FOXP2: variants seen among roughly 807,000 people sequenced by gnomAD.
The protein encoded by FOXP2 is forkhead box P2, also known as forkhead box protein P2.
Under a neutral mutation model 115.8 loss-of-function variants are expected in FOXP2, and 12 were observed. That is an observed-to-expected ratio of 0.10 (90% confidence interval 0.07 to 0.17). The LOEUF (loss-of-function observed/expected upper bound fraction) is 0.17. Among genes scored for constraint, FOXP2 ranks in the 10% least tolerant of loss-of-function variants. The probability of loss-of-function intolerance (pLI) is 1.00; values close to 1 mark genes in which losing one functional copy is unlikely to be tolerated. For missense variants in FOXP2, 629 were observed against 843.5 expected, an observed-to-expected ratio of 0.75 and a Z score of 3.15; for synonymous variants, 328 against 297.7, an observed-to-expected ratio of 1.10 and a Z score of -1.05.
chr7:114,277,397 A>C (rs1196311272), intron 1 of FOXP2, among the ~76,000 whole-genome samples: 2 of 152,116 alleles, frequency 1.3e-5, no homozygotes, highest in Non-Finnish European at 2.9e-5. Flanking sequence ...TATGCCTTTA[A>C]CTATTTTGAG....
intron 2 of FOXP2, among the ~76,000 whole-genome samples, chr7:114,328,704 T>C (rs892459603): frequency 1.3e-5 from 2 of 152,240 alleles, no homozygotes; most frequent in Admixed American, 6.5e-5. Context: ...TCATGTCTTA[T>C]ATTCTATTAC....
At chr7:114,624,468 A>G (rs1804420779) in intron 3 of FOXP2, among the ~76,000 whole-genome samples, 2 of 151,894 alleles carry the variant, frequency 1.3e-5, no homozygotes, top group South Asian at 4.1e-4. Flanking sequence ...TTTAGTGAAG[A>G]AAGAATTGGA....
At chr7:114,425,596 A>G (rs934749846) in intron 1 of FOXP2, among the ~76,000 whole-genome samples, 4 of 151,718 alleles carry the variant, frequency 2.6e-5, no homozygotes, top group Non-Finnish European at 4.4e-5. Flanking sequence ...ATTACTGTAG[A>G]GAAGGTAATA....
intron 1 of FOXP2, among the ~76,000 whole-genome samples, chr7:114,136,290 T>C (rs1475452216): frequency 6.6e-6 from 1 of 152,108 alleles, no homozygotes; most frequent in African/African-American, 2.4e-5. Flanking sequence ...TCAATACTGA[T>C]TATATCAACC....
At chr7:114,650,989 A>G (rs1041393754) in intron 8 of FOXP2, among the ~76,000 whole-genome samples, 2 of 152,112 alleles carry the variant, frequency 1.3e-5, no homozygotes, top group Non-Finnish European at 2.9e-5. Context: ...ATTAGTTTTT[A>G]TCAGCAACAC....
At chr7:114,087,123 T>G (rs1799436457), upstream of FOXP2, among the ~76,000 whole-genome samples, 1 of 151,978 alleles carries the variant, frequency 6.6e-6, no homozygotes, top group African/African-American at 2.4e-5. Flanking sequence ...ACACACTTTA[T>G]TGATCCAACT....
chr7:114,149,444 A>G (rs1320713643), intron 1 of FOXP2, among the ~76,000 whole-genome samples: 1 of 152,146 alleles, frequency 6.6e-6, no homozygotes. Flanking sequence ...AAAACAAACC[A>G]GAATGACCTT....
intron 1 of FOXP2, among the ~76,000 whole-genome samples, chr7:114,168,588 G>T (rs1483607442): frequency 6.6e-6 from 1 of 152,106 alleles, no homozygotes; most frequent in Non-Finnish European, 1.5e-5. Context: ...CATGAGGGAA[G>T]CAGAGCATAA....
chr7:114,668,303 A>G (rs976839552), intron 16 of FOXP2: 5 of 152,130 alleles, frequency 3.3e-5, no homozygotes, highest in Non-Finnish European at 5.9e-5. Context: ...CTTCTTATAA[A>G]TTGTGGAGAA....
chr7:114,552,890 G>A (rs565107681), intron 3 of FOXP2, among the ~76,000 whole-genome samples: 18 of 152,090 alleles, frequency 1.2e-4, no homozygotes, highest in East Asian at 1.9e-4. Context: ...TAGCTTTATC[G>A]CCTAAATTAT....
intron 1 of FOXP2, among the ~76,000 whole-genome samples, chr7:114,094,747 G>A (rs1055762293): frequency 2.6e-5 from 4 of 152,082 alleles, no homozygotes; most frequent in South Asian, 2.1e-4. Flanking sequence ...TGGTAACCTC[G>A]CCCTCCTGGG....
chr7:114,587,905 A>C (rs1802226799), intron 3 of FOXP2, among the ~76,000 whole-genome samples: 1 of 146,244 alleles, frequency 6.8e-6, no homozygotes, highest in South Asian at 2.3e-4. Context: ...GTGCCTTATT[A>C]ATGATTCTGA....
At chr7:114,547,227 A>G (rs1799969222) in intron 3 of FOXP2, among the ~76,000 whole-genome samples, 1 of 152,126 alleles carries the variant, frequency 6.6e-6, no homozygotes, top group Admixed American at 6.5e-5. Context: ...AGCAATAACA[A>G]TTGATTCTTT....
intron 2 of FOXP2, among the ~76,000 whole-genome samples, chr7:114,481,473 T>C (rs1419397907): frequency 1.3e-5 from 2 of 151,322 alleles, no homozygotes; most frequent in Admixed American, 1.3e-4. Context: ...TAATAAATTT[T>C]CCCCAAAGCG....
chr7:114,573,077 G>A (rs1022769539), intron 3 of FOXP2, among the ~76,000 whole-genome samples: 1 of 151,782 alleles, frequency 6.6e-6, no homozygotes, highest in African/African-American at 2.4e-5. Flanking sequence ...GGTATGGCTG[G>A]TGGGAAAGGA....
chr7:114,377,480 T>C (rs1252386498), intron 2 of FOXP2, among the ~76,000 whole-genome samples: 1 of 152,180 alleles, frequency 6.6e-6, no homozygotes, highest in Non-Finnish European at 1.5e-5. Context: ...ATTGGGGGCA[T>C]AGGACCATGT....
intron 3 of FOXP2, among the ~76,000 whole-genome samples, chr7:114,592,528 T>A (rs576341158): frequency 6.6e-5 from 10 of 152,136 alleles, no homozygotes; most frequent in African/African-American, 2.2e-4. Context: ...GAACCTATCA[T>A]GTTCTATTTT....
intron 2 of FOXP2, among the ~76,000 whole-genome samples, chr7:114,405,945 T>C (rs1268551659): frequency 6.6e-6 from 1 of 151,870 alleles, no homozygotes; most frequent in Non-Finnish European, 1.5e-5. Context: ...GCTGACTTTT[T>C]TTATGGTCAG....
intron 1 of FOXP2, among the ~76,000 whole-genome samples, chr7:114,157,933 T>C (rs1272940054): frequency 6.6e-6 from 1 of 152,050 alleles, no homozygotes; most frequent in East Asian, 1.9e-4. Context: ...TAAGATGCTT[T>C]CTAGAGACAC....
Sources: gnomAD v4.1 joint callset for allele counts (sites outside exome capture counted in the v4.1 genomes callset) on GRCh38, gnomAD v4.1.1 for gene constraint, MANE v1.5 for transcripts, NCBI Gene and HGNC (gene_info 2026-07-23, HGNC 2026-07-21) for gene names.